AFF4: variants seen among roughly 807,000 people sequenced by gnomAD.
AFF4 encodes the protein ALF transcription elongation factor 4.
In AFF4, 13 loss-of-function variants were observed where a neutral mutation model predicts 124.8. The observed-to-expected ratio is 0.10, with a 90% CI of 0.07 to 0.17. The LOEUF (loss-of-function observed/expected upper bound fraction) is 0.17, where lower values mean the gene tolerates loss of function less well. Ranked by LOEUF, AFF4 falls within the 10% of genes least tolerant of loss-of-function variation. The probability of loss-of-function intolerance (pLI) is 1.00; values close to 1 mark genes in which losing one functional copy is unlikely to be tolerated. For missense variants in AFF4, 1,092 were observed against 1,403.8 expected (o/e 0.78, Z 3.55); for synonymous variants, 477 against 496.1 (o/e 0.96, Z 0.51).
In AFF4 at chr5:132,881,044, G is replaced by C; in HGVS notation, c.*15C>G. On this transcript the variant is annotated 3_prime_UTR_variant, in exon 21 of 21. Coordinates refer to ENST00000265343, the MANE Select transcript of AFF4 (RefSeq NM_014423.4). ...TGTTGTGGAGAAAATCAGAGGCAACGAGAATGTGTTCAGTTCAAGATATCA... is the reference window on the plus strand; with the variant it reads ...TGTTGTGGAGAAAATCAGAGGCAACCAGAATGTGTTCAGTTCAAGATATCA... 15 of 1,608,656 alleles carry C rather than the reference G, an allele frequency of 9.3e-6. No individual in the cohort carries two copies. The highest frequency in any genetic ancestry group is 1.3e-5 in the Non-Finnish European group (15 of 1,178,330).
At chr5:132,894,681 G>T (rs1239405605) in intron 11 of AFF4, among the ~76,000 whole-genome samples, 1 of 152,154 alleles carries the variant, frequency 6.6e-6, no homozygotes, top group Non-Finnish European at 1.5e-5. Context: ...TTATAGAAGG[G>T]CCAGGTGTGG....
chr5:132,943,409 C>G (rs1036702026), intron 1 of AFF4: 1 of 182,718 alleles, frequency 5.5e-6, no homozygotes, highest in African/African-American at 2.4e-5. Flanking sequence ...GGAAAGTCAC[C>G]TGTAAAGATG....
intron 5 of AFF4, among the ~76,000 whole-genome samples, chr5:132,912,110 T>G (rs1760803578): frequency 6.9e-6 from 1 of 145,854 alleles, no homozygotes; most frequent in African/African-American, 2.5e-5. Flanking sequence ...CCCAGCACTT[T>G]GGGAGGTGGA....
At chr5:132,958,280 G>C (rs1327629781) in intron 1 of AFF4, among the ~76,000 whole-genome samples, 1 of 151,662 alleles carries the variant, frequency 6.6e-6, no homozygotes, top group East Asian at 1.9e-4. Context: ...CTGGACAACA[G>C]GGCGAAACCC....
chr5:132,891,812 T>TG (rs1313178880), intron 13 of AFF4: 1 of 305,654 alleles, frequency 3.3e-6, no homozygotes, highest in Non-Finnish European at 6.0e-6. Context: ...TTTTTTTTTT[T>TG]TTTTAAATTT....
At chr5:132,942,480 T>A (rs1017146496) in intron 1 of AFF4, among the ~76,000 whole-genome samples, 59 of 133,454 alleles carry the variant, frequency 4.4e-4, no homozygotes, top group African/African-American at 1.5e-3. Flanking sequence ...TTTTTTTTTT[T>A]AAAGACAGAG....
intron 5 of AFF4, among the ~76,000 whole-genome samples, chr5:132,925,373 T>C (rs1761147333): frequency 6.6e-6 from 1 of 151,894 alleles, no homozygotes; most frequent in East Asian, 1.9e-4. Flanking sequence ...GGTATGTTTA[T>C]GATCCTAGAG....
intron 5 of AFF4, 95 bp from the exon 6 acceptor site, chr5:132,904,499 G>T: frequency 9.4e-7 from 1 of 1,068,404 alleles, no homozygotes; most frequent in Non-Finnish European, 1.4e-6. Context: ...TCAAGTACTT[G>T]AAAAAGCACA....
Position 132,899,112 on chromosome 5 carries a change from T to A in AFF4, c.1218A>T (p.Thr406=). 6.2e-7 allele frequency: 1 copy of A among 1,613,512 alleles called. No individual in the cohort carries two copies. The highest frequency in any genetic ancestry group is 2.2e-5 in the East Asian group (1 of 44,820). ...QDCDKTMPRS[T]PGSNSEPSHH... is the part of the protein sequence containing the mutation. ...AAGAAAAGGATGCCCACCTTCCTGG[T>A]GTACTCCTCGGCATTGTCTTATCAC... is the stretch of plus-strand genomic sequence containing the variant. Residue 406 remains threonine (T), a synonymous_variant, in exon 9 of 21, where the codon ACA becomes ACT. Coordinates refer to ENST00000265343, the MANE Select transcript of AFF4 (RefSeq NM_014423.4).
At chr5:132,898,137 C>T (rs1256500928) in intron 10 of AFF4, 93 bp downstream of exon 10, 1 of 1,457,106 alleles carries the variant, frequency 6.9e-7, no homozygotes, top group African/African-American at 1.4e-5. Context: ...AACCTTCTTT[C>T]CTTCTCCTTT....
intron 1 of AFF4, among the ~76,000 whole-genome samples, chr5:132,951,911 T>C (rs973463284): frequency 2.0e-5 from 3 of 152,240 alleles, no homozygotes; most frequent in Admixed American, 2.0e-4. Flanking sequence ...TTCAACATTA[T>C]TAAAAAGGTA....
chr5:132,905,022 C>A (rs1429423517), intron 5 of AFF4, among the ~76,000 whole-genome samples: 2 of 147,648 alleles, frequency 1.4e-5, no homozygotes, highest in African/African-American at 2.5e-5. Flanking sequence ...TGCACTCCAG[C>A]CTGGCAACAG....
chr5:132,914,912 G>A (rs1760873112), intron 5 of AFF4, among the ~76,000 whole-genome samples: 1 of 152,084 alleles, frequency 6.6e-6, no homozygotes, highest in Non-Finnish European at 1.5e-5. Flanking sequence ...TATAAACAAC[G>A]AAAGATCATT....
At chr5:132,919,537 T>C (rs1479199509) in intron 5 of AFF4, among the ~76,000 whole-genome samples, 1 of 152,094 alleles carries the variant, frequency 6.6e-6, no homozygotes, top group Non-Finnish European at 1.5e-5. Context: ...GATCTAAATG[T>C]AAAACCTAAA....
chr5:132,918,127 TCA>T (rs1760958223), intron 5 of AFF4, among the ~76,000 whole-genome samples: 1 of 151,094 alleles, frequency 6.6e-6, no homozygotes, highest in Non-Finnish European at 1.5e-5. Context: ...GTACTGTGGC[TCA>T]TGCCTGTAAT....
At chr5:132,944,579 G>A (rs1319018864) in intron 1 of AFF4, among the ~76,000 whole-genome samples, 2 of 152,056 alleles carry the variant, frequency 1.3e-5, no homozygotes, top group Non-Finnish European at 2.9e-5. Context: ...CCTGAGAGGT[G>A]GAAGTTCAAA....
intron 1 of AFF4, among the ~76,000 whole-genome samples, chr5:132,941,704 T>C (rs77495100): frequency 6.6e-6 from 1 of 151,928 alleles, no homozygotes; most frequent in Admixed American, 6.6e-5. Flanking sequence ...GGGTTTTTTT[T>C]CGCACGCACA....
In AFF4 at chr5:132,934,471, A is replaced by G. The variant is rs763896568; in HGVS notation, c.594T>C (p.His198=). ...SSLNSSHSRS[H]GNDHHSKEHQ... ...GTTCCTTGCTATGGTGATCATTCCC[A>G]TGAGACCTGGAATGACTAGAGTTTA... The change falls in exon 3 of 21, where the codon CAT becomes CAC. Residue 198 remains histidine (H), a synonymous_variant. Transcript: ENST00000265343. 2.5e-6 allele frequency: 4 copies of G among 1,614,186 alleles called. No individual in the cohort carries two copies. Among genetic ancestry groups the G allele is most frequent in the South Asian group, 1.1e-5 (1 of 91,092 alleles).
intron 5 of AFF4, among the ~76,000 whole-genome samples, chr5:132,917,207 C>T (rs1344004918): frequency 6.6e-6 from 1 of 152,162 alleles, no homozygotes; most frequent in African/African-American, 2.4e-5. Flanking sequence ...GTGTGAGCCA[C>T]CACGCCCAGC....
Sources: gnomAD v4.1 joint callset for allele counts (sites outside exome capture counted in the v4.1 genomes callset) on GRCh38, gnomAD v4.1.1 for gene constraint, MANE v1.5 for transcripts, NCBI Gene and HGNC (gene_info 2026-07-23, HGNC 2026-07-21) for gene names.